Variants in WDTC1 observed in about 807,000 individuals in gnomAD.
The protein encoded by WDTC1 is WD and tetratricopeptide repeats protein 1.
A neutral mutation model predicts 76.0 loss-of-function variants in WDTC1; 12 were observed. That is an observed-to-expected ratio of 0.16 (90% confidence interval 0.10 to 0.26). The LOEUF (loss-of-function observed/expected upper bound fraction) is 0.26. WDTC1 is among the 10% of genes least tolerant of loss of function. WDTC1 has a pLI of 1.00. For missense variants in WDTC1, 511 were observed against 908.8 expected, an observed-to-expected ratio of 0.56 and a Z score of 5.63; for synonymous variants, 326 against 350.8, an observed-to-expected ratio of 0.93 and a Z score of 0.79.
rs1339895009 is a variant in WDTC1, at chr1:27,300,702, AG to A, written c.1233-516del. On this transcript the variant is annotated intron_variant, in intron 12 of 15. Coordinates refer to ENST00000319394, the MANE Select transcript of WDTC1 (RefSeq NM_001276252.2). ...CTGCTGTGGATCAGTCAGCCAGGAC[AG>A]GGGGGGGTCTGGCTGAGGGCTTGCT... 1.3e-4 allele frequency among the ~76,000 whole-genome samples: 20 copies of A among 151,684 alleles called. No individual in the cohort carries two copies. In the East Asian group the frequency reaches 1.7e-3, roughly 13 times the overall value.
At chr1:27,299,275 A>G (rs931388061) in intron 12 of WDTC1, among the ~76,000 whole-genome samples, 4 of 152,214 alleles carry the variant, frequency 2.6e-5, no homozygotes, top group African/African-American at 9.7e-5. Context: ...CCTGTGCTCC[A>G]GAGGAGCCTC....
chr1:27,261,170 G>A, intron 2 of WDTC1, 68 bp downstream of exon 2: 1 of 1,587,000 alleles, frequency 6.3e-7, no homozygotes, highest in Non-Finnish European at 8.6e-7. Flanking sequence ...TTTTACAGAT[G>A]AAAAAACTGA....
At chr1:27,283,524 T>A in intron 5 of WDTC1, 75 bp downstream of exon 5, 1 of 1,352,766 alleles carries the variant, frequency 7.4e-7, no homozygotes, top group Non-Finnish European at 1.0e-6. Context: ...GGCCACGCCA[T>A]GTTGGTATGT....
Position 27,291,934 on chromosome 1 carries a change from A to G in WDTC1, c.480-281A>G, listed in dbSNP as rs143196303. On this transcript the variant is annotated intron_variant, in intron 6 of 15. Transcript: ENST00000319394. ...AGCACATTTTCACTAAGTGTTGGTA[A>G]TCAGTAGTAGTATAATAGTAGCAAT... Among the ~76,000 whole-genome samples the G allele has an allele frequency of 1.6e-3, 251 of 152,310 alleles. 3 individuals are homozygous for G. Among genetic ancestry groups the G allele is most frequent in the African/African-American group, 5.7e-3 (236 of 41,550 alleles).
chr1:27,303,753 G>T lies in WDTC1; in HGVS notation c.1601G>T (p.Cys534Phe), dbSNP rs1396384341. ...TATCAGTTCCGCTACTGCGGCCACTGCAACACCACCACGGATATCAAAGAG... is the reference window on the plus strand; with the variant it reads ...TATCAGTTCCGCTACTGCGGCCACTTCAACACCACCACGGATATCAAAGAG... Reference protein sequence around the residue: ...YDYQFRYCGHCNTTTDIKEAN... With the variant: ...YDYQFRYCGHFNTTTDIKEAN... The change falls in exon 14 of 16, where the codon TGC becomes TTC. Residue 534 changes from cysteine (C) to phenylalanine (F), a missense_variant. Cys to Phe is a radical substitution (Grantham distance 205). Transcript: ENST00000319394. The surrounding 1 kb of genome is among the most constrained non-coding windows in gnomAD (Gnocchi z 4.8). 6.2e-6 allele frequency: 10 copies of T among 1,613,970 alleles called. No individual in the cohort carries two copies. In the Admixed American group the frequency reaches 1.7e-4, roughly 27 times the overall value.
chr1:27,292,437 C>T, intron 7 of WDTC1, 40 bp downstream of exon 7: 1 of 1,481,688 alleles, frequency 6.7e-7, no homozygotes, highest in Non-Finnish European at 9.0e-7. Context: ...TGAGTAAGTC[C>T]CCAGAGAACC....
At chr1:27,297,224 T>G in intron 11 of WDTC1, 68 bp downstream of exon 11, 1 of 1,397,428 alleles carries the variant, frequency 7.2e-7, no homozygotes, top group Middle Eastern at 1.8e-4. Flanking sequence ...GGGAGGGACA[T>G]AACCTGTAAA....
Position 27,274,995 on chromosome 1 carries a change from C to T in WDTC1, c.133-7244C>T, listed in dbSNP as rs949274383. Among the ~76,000 whole-genome samples, 5 of 152,194 alleles carry T rather than the reference C, an allele frequency of 3.3e-5. No homozygotes were observed. Among genetic ancestry groups the T allele is most frequent in the African/African-American group, 1.2e-4 (5 of 41,434 alleles). ...TAAGATTTAAAAGATTTATATCAGG[C>T]TTATCTGGCTGCAGAGTTCATATCC... On this transcript the variant is annotated intron_variant, in intron 3 of 15. Transcript: ENST00000319394. The surrounding 1 kb of genome is among the most constrained non-coding windows in gnomAD (Gnocchi z 4.2).
chr1:27,253,564 T>C (rs575649107), intron 1 of WDTC1, among the ~76,000 whole-genome samples: 1 of 150,834 alleles, frequency 6.6e-6, no homozygotes, highest in East Asian at 1.9e-4. Context: ...TCAGGCTGGT[T>C]TCGAAGTCCT....
intron 3 of WDTC1, among the ~76,000 whole-genome samples, chr1:27,273,555 G>T (rs2147949002): frequency 6.6e-6 from 1 of 152,218 alleles, no homozygotes; most frequent in Non-Finnish European, 1.5e-5. Context: ...ACCAAATGCA[G>T]TGTGTGATCC....
At chr1:27,297,901 C>A in intron 11 of WDTC1, 37 bp from the exon 12 acceptor site, 1 of 1,572,650 alleles carries the variant, frequency 6.4e-7, no homozygotes, top group Non-Finnish European at 8.7e-7. Flanking sequence ...CTCTGACCTT[C>A]TTTGACTGTT....
chr1:27,304,873 C>A (rs548091852), intron 14 of WDTC1, 128 bp from the exon 15 acceptor site: 3 of 952,760 alleles, frequency 3.1e-6, no homozygotes, highest in African/African-American at 1.7e-5. Context: ...CAAGTGCACA[C>A]CCCAGCGTGT....
chr1:27,294,694 C>T lies in WDTC1; in HGVS notation c.873+65C>T, dbSNP rs77117989. ...CATGCCCAGCAGCCAGGGGCATGTA[C>T]CTTATGTTCACTGCTGAGGCAGACA... On this transcript the variant is annotated intron_variant, in intron 9 of 15. Coordinates refer to ENST00000319394, the MANE Select transcript of WDTC1 (RefSeq NM_001276252.2). 4,047 of 1,395,416 alleles carry T rather than the reference C, an allele frequency of 2.9e-3. 96 individuals carry two copies. In the African/African-American group the frequency reaches 0.051, roughly 18 times the overall value. 86.4% of individuals were successfully genotyped at this position (1,395,416 alleles called of 1,614,324 possible).
In WDTC1 at chr1:27,306,639, C is replaced by CT; in HGVS notation, c.*256_*257insT. ...GGACACCCCTCCATATGCCCCCCCCCATCTCCTGCTTTCATGTCCCTGGAG... is the reference window on the plus strand; with the variant it reads ...GGACACCCCTCCATATGCCCCCCCCCTATCTCCTGCTTTCATGTCCCTGGAG... On this transcript the variant is annotated 3_prime_UTR_variant, in exon 16 of 16. Transcript: ENST00000319394. This position sits in a 1 kb window ranked among gnomAD's most constrained non-coding sequence, Gnocchi z 5.0. 1.8e-6 allele frequency: 1 copy of CT among 542,616 alleles called. No homozygotes were observed. Among genetic ancestry groups the CT allele is most frequent in the Non-Finnish European group, 3.3e-6 (1 of 302,966 alleles). The allele number at this position is 542,616 out of a possible 1,614,324, so 33.6% of individuals were successfully genotyped here.
intron 1 of WDTC1, among the ~76,000 whole-genome samples, chr1:27,252,237 C>T (rs191632076): frequency 6.6e-6 from 1 of 151,888 alleles, no homozygotes; most frequent in African/African-American, 2.4e-5. Flanking sequence ...GTCCCAGCTA[C>T]TCAGGAGGGT....
Position 27,301,568 on chromosome 1 carries a change from G to C in WDTC1, c.1468+107G>C. 4.7e-6 allele frequency: 6 copies of C among 1,289,372 alleles called. No individual in the cohort carries two copies. The highest frequency in any genetic ancestry group is 6.4e-6 in the Non-Finnish European group (6 of 933,248). 79.9% of individuals were successfully genotyped at this position (1,289,372 alleles called of 1,614,324 possible). A position where few individuals can be genotyped will look rare whatever the true frequency, so the allele number is the denominator to read the frequency against. On this transcript the variant is annotated intron_variant, in intron 13 of 15. Transcript: ENST00000319394. This position sits in a 1 kb window ranked among gnomAD's most constrained non-coding sequence, Gnocchi z 5.8. Reference sequence around the variant, plus strand: ...GGATTGGAGAGGCCTGGGTTCAGATGTTGATTCAGAAACCATGCAACTTTG... The same window carrying C: ...GGATTGGAGAGGCCTGGGTTCAGATCTTGATTCAGAAACCATGCAACTTTG...
rs1251319500 is a variant in WDTC1, at chr1:27,265,169, C to T, written c.132+1934C>T. On this transcript the variant is annotated intron_variant, in intron 3 of 15. Coordinates refer to ENST00000319394, the MANE Select transcript of WDTC1 (RefSeq NM_001276252.2). ...TGGCATAGTATCAAAGAAAGATATA[C>T]ACAGTTACCTGAAAAGGCTATTCAA... is the stretch of plus-strand genomic sequence containing the variant. Among the ~76,000 whole-genome samples the T allele has an allele frequency of 2.6e-5, 4 of 152,126 alleles. No individual in the cohort carries two copies. The East Asian group carries it at 7.7e-4, about 29-fold the overall frequency.
At chr1:27,252,188 A>G (rs1251055136) in intron 1 of WDTC1, among the ~76,000 whole-genome samples, 1 of 151,884 alleles carries the variant, frequency 6.6e-6, no homozygotes, top group Non-Finnish European at 1.5e-5. Context: ...TCTACAAAAA[A>G]TTTTAAAAAT....
In WDTC1 at chr1:27,301,206, G is replaced by T. The variant is rs373011636; in HGVS notation, c.1233-20G>T. ...TGCCACGTGGCTCCACCTCCAAGCC[G>T]CTCTTCCCTGCCTTCCCAGGGATGG... On this transcript the variant is annotated intron_variant, in intron 12 of 15. Transcript: ENST00000319394. The surrounding 1 kb of genome is among the most constrained non-coding windows in gnomAD (Gnocchi z 5.8). The T allele has an allele frequency of 2.1e-4, 339 of 1,609,526 alleles. 4 individuals are homozygous for T. In the Middle Eastern group the frequency reaches 4.1e-3, roughly 20 times the overall value.
Sources: allele counts gnomAD v4.1 joint callset (sites outside exome capture counted in the v4.1 genomes callset), GRCh38; gene constraint gnomAD v4.1.1; non-coding constraint Gnocchi (gnomAD v3.1); transcripts MANE v1.5; gene names NCBI Gene and HGNC (gene_info 2026-07-23, HGNC 2026-07-21).